SLC2A7: variants seen among roughly 807,000 people sequenced by gnomAD.
SLC2A7 encodes the protein solute carrier family 2, facilitated glucose transporter member 7.
SLC2A7 carries 50 observed loss-of-function variants against 50.5 expected under a neutral mutation model. The observed-to-expected ratio is 0.99, with a 90% confidence interval of 0.79 to 1.25. The LOEUF (loss-of-function observed/expected upper bound fraction) is 1.25, where lower values mean the gene tolerates loss of function less well. Among genes scored for constraint, SLC2A7 ranks in the 50% most tolerant of loss-of-function variants. The pLI is 0.00. For synonymous variants in SLC2A7, 308 were observed against 300.4 expected (o/e 1.03, Z -0.26); for missense variants, 683 against 679.1 (o/e 1.01, Z -0.06).
At chr1:9,011,746 CTTTTTTTTTT>C (rs34758810) in intron 8 of SLC2A7, among the ~76,000 whole-genome samples, 146 of 93,264 alleles carry the variant, frequency 1.6e-3, no homozygotes, top group African/African-American at 5.5e-3. Flanking sequence ...TCTTCTTCTT[CTTTTTTTTTT>C]TTTTTTTTTT....
chr1:9,007,074 G>T (rs1399164290), intron 10 of SLC2A7, among the ~76,000 whole-genome samples: 1 of 152,112 alleles, frequency 6.6e-6, no homozygotes, highest in African/African-American at 2.4e-5. Context: ...CTGAGTCTGG[G>T]CCCCCCTGGG....
downstream of SLC2A7, among the ~76,000 whole-genome samples, chr1:8,999,194 T>C (rs1390753626): frequency 2.0e-5 from 3 of 152,172 alleles, no homozygotes; most frequent in African/African-American, 7.2e-5. Context: ...GTATTTTTAA[T>C]AGAGACAGGG....
rs773779039 is a variant in SLC2A7, at chr1:9,018,208, G to A, written c.589+15C>T. 3.7e-6 allele frequency: 6 copies of A among 1,614,006 alleles called. No individual in the cohort carries two copies. In the South Asian group the frequency reaches 6.6e-5, roughly 18 times the overall value. On this transcript the variant is annotated intron_variant, in intron 5 of 11. Transcript: ENST00000400906. Reference sequence around the variant, plus strand: ...AGAGACTGGACCTAGCGTGACCTCTGCGGCTGCCGGTTACCTGCCGGGTTG... The same window carrying A: ...AGAGACTGGACCTAGCGTGACCTCTACGGCTGCCGGTTACCTGCCGGGTTG...
At chr1:8,996,654 G>A in the SLC2A7 span, among the ~76,000 whole-genome samples, 1 of 152,276 alleles carries the variant, frequency 6.6e-6, no homozygotes, top group South Asian at 2.1e-4. Context: ...GTGGACCCGC[G>A]TTCCAGTTGC....
At chr1:9,004,694 A>T in intron 11 of SLC2A7, 58 bp downstream of exon 11, 1 of 1,594,854 alleles carries the variant, frequency 6.3e-7, no homozygotes, top group Non-Finnish European at 8.6e-7. Context: ...CGGAAGGGGA[A>T]TACATCTTAC....
rs1050776937 is a variant in SLC2A7 at position 9,007,651 on chromosome 1, T to C, written c.1117-266A>G. ...ACCTTTGAGTTATTTTCCTGCCAGG[T>C]GCCATTCTCTGCACTTTACAAATCA... On this transcript the variant is annotated intron_variant, in intron 9 of 11. Coordinates refer to ENST00000400906, the MANE Select transcript of SLC2A7 (RefSeq NM_207420.3). 5.3e-5 allele frequency among the ~76,000 whole-genome samples: 8 copies of C among 152,148 alleles called. No homozygotes were observed. The South Asian group carries it at 1.7e-3, about 31-fold the overall frequency.
chr1:9,015,237 G>C lies in SLC2A7; in HGVS notation c.595C>G (p.Pro199Ala). The C allele has an allele frequency of 5.0e-6, 8 of 1,593,918 alleles. No homozygotes were observed. The highest frequency in any genetic ancestry group is 6.8e-6 in the Non-Finnish European group (8 of 1,172,684). ...QAILGNPAGW[P>A]VLLALTGVPA... ...ACCCCTGTGAGCGCCAGAAGCACCG[G>C]CCAGCCTGCAAGGAGCCAAGGACTC... Residue 199 changes from proline to alanine, a missense_variant, in exon 6 of 12, where the codon CCG becomes GCG. Coordinates refer to ENST00000400906, the MANE Select transcript of SLC2A7 (RefSeq NM_207420.3).
In SLC2A7 at chr1:9,008,939, C is replaced by T. The variant is rs1640700839; in HGVS notation, c.1116+1204G>A. On this transcript the variant is annotated intron_variant, in intron 9 of 11. Coordinates refer to ENST00000400906, the MANE Select transcript of SLC2A7 (RefSeq NM_207420.3). This position sits in a 1 kb window ranked among gnomAD's most constrained non-coding sequence, Gnocchi z 5.9. ...TAAAATTAAAGAAGAAAGTTCTTTCCGAGGGAAACTTTAATTGATTTATGA... is the reference window on the plus strand; with the variant it reads ...TAAAATTAAAGAAGAAAGTTCTTTCTGAGGGAAACTTTAATTGATTTATGA... 6.6e-6 allele frequency among the ~76,000 whole-genome samples: 1 copy of T among 152,140 alleles called. No individual in the cohort carries two copies. Among genetic ancestry groups the T allele is most frequent in the Non-Finnish European group, 1.5e-5 (1 of 68,034 alleles).
intron 5 of SLC2A7, among the ~76,000 whole-genome samples, chr1:9,015,940 A>T (rs1640824341): frequency 6.6e-6 from 1 of 151,160 alleles, no homozygotes; most frequent in South Asian, 2.1e-4. Flanking sequence ...TATGTTGCCC[A>T]GGCTGGTCGT....
chr1:8,995,145 T>C, the SLC2A7 span, among the ~76,000 whole-genome samples: 8 of 151,216 alleles, frequency 5.3e-5, no homozygotes, highest in Admixed American at 5.3e-4. Context: ...TGTGGCTTAC[T>C]AGCATATATT....
intron 3 of SLC2A7, among the ~76,000 whole-genome samples, chr1:9,021,755 G>A (rs1557653074): frequency 6.6e-6 from 1 of 152,132 alleles, no homozygotes; most frequent in African/African-American, 2.4e-5. Flanking sequence ...CCCTTCTCTG[G>A]ACTCCCAGCC....
chr1:8,999,546 C>A (rs1640547887), downstream of SLC2A7, among the ~76,000 whole-genome samples: 1 of 152,180 alleles, frequency 6.6e-6, no homozygotes, highest in African/African-American at 2.4e-5. Context: ...AGTGCAGCAA[C>A]TGTATTTGGG....
intron 9 of SLC2A7, 150 bp from the exon 10 acceptor site, chr1:9,007,535 G>C: frequency 2.9e-6 from 2 of 692,316 alleles, no homozygotes; most frequent in Non-Finnish European, 4.9e-6. Context: ...GTGGGCAAGA[G>C]AGGAAGGCCA....
At chr1:9,021,436 C>T (rs984057020) in intron 3 of SLC2A7, among the ~76,000 whole-genome samples, 2 of 152,198 alleles carry the variant, frequency 1.3e-5, no homozygotes, top group African/African-American at 4.8e-5. Flanking sequence ...TTGTCTCACA[C>T]TTTGCACACA....
chr1:9,000,119 T>C (rs1477370383), downstream of SLC2A7, among the ~76,000 whole-genome samples: 1 of 152,174 alleles, frequency 6.6e-6, no homozygotes, highest in Admixed American at 6.5e-5. Context: ...AGAAAGATAT[T>C]GAGGTGGGTT....
intron 5 of SLC2A7, among the ~76,000 whole-genome samples, chr1:9,018,022 A>ACTAGCC (rs1640855375): frequency 6.6e-6 from 1 of 151,888 alleles, no homozygotes; most frequent in Non-Finnish European, 1.5e-5. Flanking sequence ...TCAGAGCCCG[A>ACTAGCC]TTCCCATTCC....
chr1:9,004,661 G>T, intron 11 of SLC2A7, 91 bp downstream of exon 11: 3 of 1,499,506 alleles, frequency 2.0e-6, no homozygotes, highest in Non-Finnish European at 2.7e-6. Context: ...TCCCCACCTT[G>T]CTGGATTCAC....
chr1:9,018,166 C>T, intron 5 of SLC2A7, 57 bp downstream of exon 5: 1 of 1,608,140 alleles, frequency 6.2e-7, no homozygotes, highest in Non-Finnish European at 8.5e-7. Context: ...GTCAGTAACA[C>T]CTGGCACAGC....
intron 11 of SLC2A7, 36 bp downstream of exon 11, chr1:9,004,716 C>G (rs765830247): frequency 5.0e-6 from 8 of 1,612,374 alleles, no homozygotes. Context: ...CCCTGGAGGC[C>G]CGGTGGAGCG....
Sources: allele counts gnomAD v4.1 joint callset (sites outside exome capture counted in the v4.1 genomes callset), GRCh38; gene constraint gnomAD v4.1.1; non-coding constraint Gnocchi (gnomAD v3.1); transcripts MANE v1.5; gene names NCBI Gene and HGNC (gene_info 2026-07-23, HGNC 2026-07-21).